The following ADARB2 variants were observed in gnomAD, a reference collection of about 807,000 sequenced individuals.
The protein encoded by ADARB2 is inactive double-stranded RNA-specific editase B2.
ADARB2 carries 25 observed loss-of-function variants against 62.2 expected under a neutral mutation model. The observed-to-expected ratio is 0.40, with a 90% CI of 0.29 to 0.56. The LOEUF is 0.56. Ranked by LOEUF, ADARB2 falls within the 20% of genes least tolerant of loss-of-function variation. ADARB2 has a pLI of 0.43. For synonymous variants in ADARB2, 572 were observed against 500.8 expected (o/e 1.14, Z -1.90); for missense variants, 1,071 against 1,077.4 (o/e 0.99, Z 0.08).
At chr10:1,276,150 A>G (rs1363365507) in intron 3 of ADARB2, among the ~76,000 whole-genome samples, 1 of 152,102 alleles carries the variant, frequency 6.6e-6, no homozygotes, top group Non-Finnish European at 1.5e-5. Flanking sequence ...CTATTTCTCC[A>G]CATCCTCTCC....
intron 1 of ADARB2, among the ~76,000 whole-genome samples, chr10:1,670,702 AGT>A (rs1834373167): frequency 1.3e-5 from 2 of 152,358 alleles, no homozygotes; most frequent in South Asian, 4.1e-4. Flanking sequence ...AGGCTCAGAA[AGT>A]GTGTGACTTA....
At chr10:1,296,990 C>T (rs4880814) in intron 3 of ADARB2, among the ~76,000 whole-genome samples, 110,285 of 152,108 alleles carry the variant, frequency 0.73, 40,319 homozygotes, top group East Asian at 0.94. Flanking sequence ...TTTGTGTAAT[C>T]TTTCGTGTTT....
At chr10:1,364,194 A>T (rs1475182223) in intron 2 of ADARB2, among the ~76,000 whole-genome samples, 1 of 152,184 alleles carries the variant, frequency 6.6e-6, no homozygotes, top group African/African-American at 2.4e-5. Context: ...TGTCTCACAA[A>T]CAGACAAGCG....
Position 1,379,155 on chromosome 10 carries a change from C to T in ADARB2, c.106G>A (p.Val36Ile). The part of the protein sequence containing the change: ...RRRRSKRKDK[V>I]SILSTFLAPF... ...GCGAGGAAGGTTGACAATATGCTTA[C>T]TTTATCTGGAAAGAAAAGAACAGGA... Residue 36 changes from valine to isoleucine, a missense_variant, in exon 2 of 10, where the codon GTA becomes ATA. Coordinates refer to ENST00000381312, the MANE Select transcript of ADARB2 (RefSeq NM_018702.4). The T allele has an allele frequency of 1.2e-6, 2 of 1,611,660 alleles. No individual in the cohort carries two copies. Among genetic ancestry groups the T allele is most frequent in the Non-Finnish European group, 1.7e-6 (2 of 1,177,864 alleles).
intron 7 of ADARB2, among the ~76,000 whole-genome samples, chr10:1,209,541 A>ATGCCTATACTGT (rs1837119155): frequency 2.8e-5 from 1 of 35,608 alleles, no homozygotes; most frequent in African/African-American, 6.9e-5. Context: ...AGCCTCGCCC[A>ATGCCTATACTGT]CACCCATGCC....
intron 2 of ADARB2, among the ~76,000 whole-genome samples, chr10:1,369,780 T>C (rs1371235334): frequency 6.6e-6 from 1 of 152,240 alleles, no homozygotes; most frequent in Non-Finnish European, 1.5e-5. Flanking sequence ...CCTCTGTCTC[T>C]GATCCCTAGA....
chr10:1,721,301 G>A (rs148391529), intron 1 of ADARB2, among the ~76,000 whole-genome samples: 1 of 152,214 alleles, frequency 6.6e-6, no homozygotes, highest in Non-Finnish European at 1.5e-5. Context: ...ACATTTTGCT[G>A]TATGTGTTCA....
At chr10:1,352,798 C>A (rs1455529851) in intron 3 of ADARB2, among the ~76,000 whole-genome samples, 1 of 152,172 alleles carries the variant, frequency 6.6e-6, no homozygotes, top group Non-Finnish European at 1.5e-5. Flanking sequence ...TCAATCCAGC[C>A]TCCCACATTA....
rs1332817425 is a variant in ADARB2 at position 1,242,179 on chromosome 10, C to T, written c.1313G>A (p.Arg438Gln). Residue 438 changes from arginine to glutamine, a missense_variant, in exon 5 of 10, where the codon CGG (arginine) becomes CAG (glutamine). Coordinates refer to ENST00000381312, the MANE Select transcript of ADARB2 (RefSeq NM_018702.4). ...VNDCHAEVVA[R>Q]RAFLHFLYTQ... The stretch of plus-strand genomic sequence containing the variant: ...GTAGAGGAAGTGCAGGAACGCCCGC[C>T]GGGCCACGACCTCCGCGTGGCAGTC... The T allele has an allele frequency of 4.3e-6, 7 of 1,610,696 alleles. No homozygotes were observed. The highest frequency in any genetic ancestry group is 1.1e-5 in the South Asian group (1 of 90,904).
chr10:1,546,353 C>T (rs191320120), intron 1 of ADARB2, among the ~76,000 whole-genome samples: 3 of 152,334 alleles, frequency 2.0e-5, no homozygotes, highest in Admixed American at 2.0e-4. Flanking sequence ...GGTTCCTGCA[C>T]TTACAGACCG....
chr10:1,419,896 A>G (rs1242874741), intron 1 of ADARB2, among the ~76,000 whole-genome samples: 1 of 152,204 alleles, frequency 6.6e-6, no homozygotes, highest in Admixed American at 6.5e-5. Context: ...CAGTTCTGTA[A>G]GTTTTGGACT....
chr10:1,191,139 C>A (rs1034756703), intron 8 of ADARB2, among the ~76,000 whole-genome samples: 1 of 152,218 alleles, frequency 6.6e-6, no homozygotes, highest in Non-Finnish European at 1.5e-5. Context: ...GGGCCCCACA[C>A]GGCGTAGAAC....
intron 6 of ADARB2, among the ~76,000 whole-genome samples, chr10:1,221,687 G>A (rs1227361257): frequency 2.6e-5 from 4 of 151,784 alleles, no homozygotes; most frequent in South Asian, 4.2e-4. Flanking sequence ...TTGTCCTTGC[G>A]ATAGTTTGCT....
At chr10:1,551,137 T>G (rs4880515) in intron 1 of ADARB2, among the ~76,000 whole-genome samples, 113,532 of 151,834 alleles carry the variant, frequency 0.75, 43,375 homozygotes, top group Non-Finnish European at 0.83. Context: ...GAAGAGGAGA[T>G]GAGGACACAG....
In ADARB2 at chr10:1,363,729, G is replaced by C; in HGVS notation, c.376C>G (p.Pro126Ala). The C allele has an allele frequency of 2.5e-6, 4 of 1,610,102 alleles. No individual in the cohort carries two copies. Among genetic ancestry groups the C allele is most frequent in the East Asian group, 2.2e-5 (1 of 44,810 alleles). Residue 126 changes from proline to alanine, a missense_variant, in exon 3 of 10, where the codon CCC becomes GCC. By Grantham distance (27) the Pro-to-Ala change is conservative (BLOSUM62 -1). Coordinates refer to ENST00000381312, the MANE Select transcript of ADARB2 (RefSeq NM_018702.4). ...TGCAGCTGCACCAGCGCGTTCTTGG[G>C]CGCCACCGACCACGACAGCTTCTTC... ...VWKKLSWSVA[P>A]KNALVQLHEL...
At chr10:1,569,114 G>C (rs914782398) in intron 1 of ADARB2, among the ~76,000 whole-genome samples, 25 of 147,518 alleles carry the variant, frequency 1.7e-4, no homozygotes, top group African/African-American at 6.0e-4. Context: ...GGGATATAAA[G>C]AAAGAGACAG....
chr10:1,185,151 C>A, intron 8 of ADARB2, 112 bp from the exon 9 acceptor site: 1 of 1,341,706 alleles, frequency 7.5e-7, no homozygotes, highest in South Asian at 1.5e-5. Flanking sequence ...ATGGTCCTCC[C>A]TTTTCATCCT....
chr10:1,576,769 G>C (rs1382631143), intron 1 of ADARB2, among the ~76,000 whole-genome samples: 2 of 152,158 alleles, frequency 1.3e-5, no homozygotes, highest in Non-Finnish European at 2.9e-5. Context: ...TCAAGGAAAG[G>C]CCCTTGGGGA....
chr10:1,323,722 C>A (rs970216661), intron 3 of ADARB2, among the ~76,000 whole-genome samples: 1 of 151,988 alleles, frequency 6.6e-6, no homozygotes, highest in Non-Finnish European at 1.5e-5. Flanking sequence ...AACTGTAAAT[C>A]CCACATCTCC....
Sources: allele counts gnomAD v4.1 joint callset (sites outside exome capture counted in the v4.1 genomes callset), GRCh38; gene constraint gnomAD v4.1.1; transcripts MANE v1.5; gene names NCBI Gene and HGNC (gene_info 2026-07-23, HGNC 2026-07-21).